The following SLC36A1 variants were observed in gnomAD, a reference collection of about 807,000 sequenced individuals.
SLC36A1 encodes the protein solute carrier family 36 member 1, also known as proton-coupled amino acid transporter 1.
SLC36A1 carries 30 observed loss-of-function variants against 47.5 expected under a neutral mutation model. The ratio of observed to expected loss-of-function variants is 0.63; its 90% confidence interval spans 0.47 to 0.86. The LOEUF (loss-of-function observed/expected upper bound fraction) is 0.86. Ranked by LOEUF, SLC36A1 falls within the 40% of genes least tolerant of loss-of-function variation. The pLI, the probability that SLC36A1 is intolerant of heterozygous loss-of-function variation, is 0.00. For missense variants in SLC36A1, 517 were observed against 606.0 expected, an observed-to-expected ratio of 0.85 and a Z score of 1.54; for synonymous variants, 255 against 249.7, an observed-to-expected ratio of 1.02 and a Z score of -0.20.
At chr5:151,464,481 T>C in intron 3 of SLC36A1, 33 bp from the exon 4 acceptor site, 1 of 1,577,710 alleles carries the variant, frequency 6.3e-7, no homozygotes, top group East Asian at 2.3e-5. Context: ...CCTACTTTTC[T>C]CTCTCTCTTT....
the SLC36A1 span, chr5:151,531,460 A>G: frequency 7.8e-7 from 1 of 1,282,722 alleles, no homozygotes; most frequent in African/African-American, 1.5e-5. The surrounding 1 kb of genome is among the most constrained non-coding windows in gnomAD (Gnocchi z 5.7). Context: ...AAGAGAATGG[A>G]GAAACGACCA....
the SLC36A1 span, among the ~76,000 whole-genome samples, chr5:151,371,800 A>G: frequency 6.6e-6 from 1 of 152,176 alleles, no homozygotes; most frequent in Non-Finnish European, 1.5e-5. Flanking sequence ...TAATAGCATT[A>G]CAAACATGTT....
the SLC36A1 span, chr5:151,543,678 C>G: frequency 6.2e-7 from 1 of 1,614,188 alleles, no homozygotes; most frequent in Non-Finnish European, 8.5e-7. Flanking sequence ...CATAAAGGTG[C>G]TGCTGGAACT....
intron 9 of SLC36A1, among the ~76,000 whole-genome samples, chr5:151,477,181 G>A (rs1561775151): frequency 6.6e-6 from 1 of 152,168 alleles, no homozygotes; most frequent in Non-Finnish European, 1.5e-5. Flanking sequence ...ATTGTTGGGA[G>A]TCCTTTTGTA....
Position 151,465,076 on chromosome 5 carries a change from T to C in SLC36A1, c.326T>C (p.Leu109Pro), listed in dbSNP as rs146342711. ...VKCAHHFCRR[L>P]NKSFVDYGDT... ...CCTCTTCCCTCCTACTCTTCCAGGC[T>C]GAATAAATCCTTTGTGGATTATGGT... is the stretch of plus-strand genomic sequence containing the variant. The change falls in exon 5 of 11, where the codon CTG (leucine) becomes CCG (proline). Residue 109 changes from leucine to proline, a missense_variant and splice_region_variant. Physicochemically the swap from Leu to Pro is moderately conservative, Grantham distance 98. Transcript: ENST00000243389. 2.2e-5 allele frequency: 36 copies of C among 1,612,764 alleles called. No homozygotes were observed. In the African/African-American group the frequency reaches 4.1e-4, roughly 19 times the overall value.
chr5:151,430,844 T>A, the SLC36A1 span, among the ~76,000 whole-genome samples: 1 of 152,242 alleles, frequency 6.6e-6, no homozygotes, highest in Non-Finnish European at 1.5e-5. Flanking sequence ...CAGTCTTGGC[T>A]CCTCTAACAC....
chr5:151,347,593 A>G, the SLC36A1 span: 1 of 1,125,486 alleles, frequency 8.9e-7, no homozygotes, highest in Middle Eastern at 2.9e-4. Context: ...GCCAAGCTGG[A>G]ACGAGGCCCC....
chr5:151,519,857 T>C, the SLC36A1 span, among the ~76,000 whole-genome samples: 222 of 152,302 alleles, frequency 1.5e-3, 1 homozygote, highest in African/African-American at 5.1e-3. Flanking sequence ...CAGAATTAAA[T>C]GCCAATTCTA....
the SLC36A1 span, among the ~76,000 whole-genome samples, chr5:151,539,389 T>C: frequency 3.3e-5 from 5 of 152,336 alleles, no homozygotes; most frequent in Admixed American, 6.5e-5. Flanking sequence ...TATATGCAAA[T>C]GCATATGTAA....
At chr5:151,528,146 A>G in the SLC36A1 span, 21 of 1,612,666 alleles carry the variant, frequency 1.3e-5, no homozygotes, top group Admixed American at 3.3e-5. Flanking sequence ...GCGGTGGGGT[A>G]GGGGGATTGT....
the SLC36A1 span, among the ~76,000 whole-genome samples, chr5:151,424,760 T>A: frequency 6.6e-6 from 1 of 151,066 alleles, no homozygotes; most frequent in African/African-American, 2.5e-5. Flanking sequence ...CAAAATTGTT[T>A]AATTTAATCT....
the SLC36A1 span, chr5:151,378,147 G>C: frequency 3.2e-6 from 1 of 316,426 alleles, no homozygotes; most frequent in Non-Finnish European, 6.3e-6. Context: ...CAAGAAAAAG[G>C]TGAAAGAGCA....
At chr5:151,402,854 C>T in the SLC36A1 span, among the ~76,000 whole-genome samples, 5 of 152,032 alleles carry the variant, frequency 3.3e-5, no homozygotes, top group African/African-American at 1.2e-4. Flanking sequence ...GTTGTAATTT[C>T]ACCTTTATTA....
the SLC36A1 span, among the ~76,000 whole-genome samples, chr5:151,547,074 TAACTC>T: frequency 1.3e-5 from 2 of 152,188 alleles, no homozygotes; most frequent in Non-Finnish European, 2.9e-5. Flanking sequence ...TCCTTTAAAT[TAACTC>T]ACTCAAATTT....
the SLC36A1 span, among the ~76,000 whole-genome samples, chr5:151,370,409 CTT>C: frequency 3.4e-5 from 5 of 147,216 alleles, no homozygotes; most frequent in Admixed American, 6.8e-5. Flanking sequence ...CTGTTTCTTC[CTT>C]TTTTTTTTTG....
the SLC36A1 span, chr5:151,545,685 T>G: frequency 6.2e-7 from 1 of 1,614,182 alleles, no homozygotes; most frequent in African/African-American, 1.3e-5. Flanking sequence ...TGGGATCAAT[T>G]TTGAAAAACT....
chr5:151,506,199 AGTGG>A, the SLC36A1 span: 5 of 1,292,648 alleles, frequency 3.9e-6, no homozygotes, highest in African/African-American at 6.0e-5. Context: ...TGGAGATGGG[AGTGG>A]GTGGGCATAG....
chr5:151,404,181 T>G, the SLC36A1 span, among the ~76,000 whole-genome samples: 1 of 152,170 alleles, frequency 6.6e-6, no homozygotes, highest in Admixed American at 6.6e-5. Context: ...TTCTTTGCCC[T>G]TTTTTTACTG....
the SLC36A1 span, among the ~76,000 whole-genome samples, chr5:151,532,130 T>C: frequency 6.6e-6 from 1 of 152,108 alleles, no homozygotes; most frequent in African/African-American, 2.4e-5. Flanking sequence ...CAGCGGGGTG[T>C]CTTGACTGGG....
Sources: allele counts gnomAD v4.1 joint callset (sites outside exome capture counted in the v4.1 genomes callset), GRCh38; gene constraint gnomAD v4.1.1; non-coding constraint Gnocchi (gnomAD v3.1); transcripts MANE v1.5; gene names NCBI Gene and HGNC (gene_info 2026-07-23, HGNC 2026-07-21).